The following RAB14 variants were observed in gnomAD, a reference collection of about 807,000 sequenced individuals.
RAB14 encodes ras-related protein Rab-14.
In RAB14, 3 loss-of-function variants were observed where a neutral mutation model predicts 31.1. The observed-to-expected ratio is 0.10, with a 90% CI of 0.04 to 0.25. The LOEUF (loss-of-function observed/expected upper bound fraction) is 0.25, where lower values mean the gene tolerates loss of function less well. Ranked by LOEUF, RAB14 falls within the 10% of genes least tolerant of loss-of-function variation. The pLI, the probability that RAB14 is intolerant of heterozygous loss-of-function variation, is 1.00. For synonymous variants in RAB14, 85 were observed against 84.9 expected (o/e 1.00, Z 0.00); for missense variants, 111 against 260.1 (o/e 0.43, Z 3.94).
intron 4 of RAB14, 113 bp from the exon 5 acceptor site, chr9:121,187,132 C>A: frequency 1.7e-6 from 1 of 572,640 alleles, no homozygotes; most frequent in Non-Finnish European, 2.8e-6. Flanking sequence ...TTTGCTTTGA[C>A]CAGTTACTCA....
At position 121,181,302 on chromosome 9, in the gene RAB14, A is replaced by G; in HGVS notation, c.*94T>C. 8.0e-7 allele frequency: 1 copy of G among 1,243,606 alleles called. No homozygotes were observed. Among genetic ancestry groups the G allele is most frequent in the South Asian group, 2.3e-5 (1 of 43,970 alleles). The allele number at this position is 1,243,606 out of a possible 1,614,324, so 77.0% of individuals were successfully genotyped here. A position where few individuals can be genotyped will look rare whatever the true frequency, so the allele number is the denominator to read the frequency against. ...TTTTTCTTTTTTTTTAATTAAACCCAGTAAGATGTACAGAAGACAATGAGG... is the reference window on the plus strand; with the variant it reads ...TTTTTCTTTTTTTTTAATTAAACCCGGTAAGATGTACAGAAGACAATGAGG... On this transcript the variant is annotated 3_prime_UTR_variant, in exon 8 of 8. Coordinates refer to ENST00000373840, the MANE Select transcript of RAB14 (RefSeq NM_016322.4).
intron 5 of RAB14, 38 bp downstream of exon 5, chr9:121,186,914 TC>T (rs1341553711): frequency 7.0e-6 from 10 of 1,430,698 alleles, no homozygotes; most frequent in Admixed American, 2.4e-5. Context: ...TTAGCTTAGT[TC>T]TTAAATTTTC....
At chr9:121,190,855 G>A in intron 3 of RAB14, 124 bp from the exon 4 acceptor site, 1 of 891,786 alleles carries the variant, frequency 1.1e-6, no homozygotes, top group South Asian at 2.0e-5. Flanking sequence ...ATAGACTAAA[G>A]CTACCGCTAA....
At chr9:121,190,518 T>G (rs1308354939) in intron 4 of RAB14, 36 bp downstream of exon 4, 2 of 1,521,388 alleles carry the variant, frequency 1.3e-6, no homozygotes, top group East Asian at 4.7e-5. Flanking sequence ...AGTAGATTTA[T>G]TTTCCCCATA....
intron 1 of RAB14, among the ~76,000 whole-genome samples, chr9:121,199,984 A>G (rs2132032278): frequency 6.6e-6 from 1 of 152,358 alleles, no homozygotes. Context: ...GATTTACTAT[A>G]TGCCAAGCAA....
chr9:121,192,537 T>C (rs2132026920), intron 2 of RAB14, among the ~76,000 whole-genome samples: 2 of 152,180 alleles, frequency 1.3e-5, no homozygotes, highest in East Asian at 3.9e-4. Context: ...TTTTGTTTTC[T>C]TTTGTTTTTT....
At chr9:121,192,910 T>A (rs2053694803) in intron 2 of RAB14, among the ~76,000 whole-genome samples, 1 of 152,150 alleles carries the variant, frequency 6.6e-6, no homozygotes, top group African/African-American at 2.4e-5. Flanking sequence ...GAGCAAAACC[T>A]TCTTGAAACT....
chr9:121,196,472 T>A (rs2053717585), intron 1 of RAB14, among the ~76,000 whole-genome samples: 1 of 152,198 alleles, frequency 6.6e-6, no homozygotes, highest in Non-Finnish European at 1.5e-5. Flanking sequence ...TTTCATTTAA[T>A]CCTTACTACT....
At chr9:121,192,252 G>A in intron 2 of RAB14, 28 bp from the exon 3 acceptor site, 1 of 1,542,112 alleles carries the variant, frequency 6.5e-7, no homozygotes, top group Non-Finnish European at 8.9e-7. Context: ...AGTTTCAGGT[G>A]GCAATTACAT....
chr9:121,183,438 C>G lies in RAB14; in HGVS notation c.352-40G>C, dbSNP rs758729388. The G allele has an allele frequency of 3.4e-6, 5 of 1,471,992 alleles. 1 individual carries two copies. The highest frequency in any genetic ancestry group is 3.4e-4 in the Middle Eastern group (2 of 5,804). 91.2% of individuals were successfully genotyped at this position (1,471,992 alleles called of 1,614,324 possible). On this transcript the variant is annotated intron_variant, in intron 5 of 7. Coordinates refer to ENST00000373840, the MANE Select transcript of RAB14 (RefSeq NM_016322.4). ...AAAGAAAGACACCTTGTAACAAAAGCAGTAATTTAAACCAACCATGCAAAT... is the reference window on the plus strand; with the variant it reads ...AAAGAAAGACACCTTGTAACAAAAGGAGTAATTTAAACCAACCATGCAAAT...
chr9:121,195,716 TA>T (rs1452121607), intron 1 of RAB14, among the ~76,000 whole-genome samples: 1 of 151,988 alleles, frequency 6.6e-6, no homozygotes, highest in Non-Finnish European at 1.5e-5. Context: ...AAATTACAAA[TA>T]AAAACCATAA....
intron 4 of RAB14, 93 bp from the exon 5 acceptor site, chr9:121,187,112 AAAT>A: frequency 4.3e-6 from 3 of 700,276 alleles, no homozygotes; most frequent in Non-Finnish European, 6.4e-6. Flanking sequence ...ACATATCCTA[AAAT>A]AATAATTTTG....
chr9:121,192,635 G>A (rs1480599009), intron 2 of RAB14, among the ~76,000 whole-genome samples: 1 of 151,870 alleles, frequency 6.6e-6, no homozygotes, highest in Non-Finnish European at 1.5e-5. Context: ...ACTGAGTTCT[G>A]GAAGCTTGAT....
chr9:121,188,231 T>C (rs1484899668), intron 4 of RAB14, among the ~76,000 whole-genome samples: 3 of 151,996 alleles, frequency 2.0e-5, no homozygotes, highest in African/African-American at 7.2e-5. Context: ...GCCTTATCTG[T>C]GTTTGATATT....
intron 4 of RAB14, among the ~76,000 whole-genome samples, chr9:121,187,801 A>G (rs2053665797): frequency 6.6e-6 from 1 of 152,080 alleles, no homozygotes; most frequent in Admixed American, 6.6e-5. Context: ...AGATAATAAA[A>G]TTTTTGAGGT....
chr9:121,190,435 CAAGT>C (rs903224707), intron 4 of RAB14, 115 bp downstream of exon 4: 9 of 930,084 alleles, frequency 9.7e-6, no homozygotes, highest in East Asian at 2.8e-5. Context: ...CCATAAAAAA[CAAGT>C]AAGTTCATTC....
At chr9:121,189,314 T>C (rs1447019560) in intron 4 of RAB14, among the ~76,000 whole-genome samples, 2 of 152,274 alleles carry the variant, frequency 1.3e-5, no homozygotes, top group African/African-American at 4.8e-5. Flanking sequence ...AAAAACAATA[T>C]TCTTAGCACA....
chr9:121,200,268 G>A lies in RAB14; in HGVS notation c.-8+1371C>T, dbSNP rs146550853. Among the ~76,000 whole-genome samples, 538 of 152,292 alleles carry A rather than the reference G, an allele frequency of 3.5e-3. 4 individuals are homozygous for A. The highest frequency in any genetic ancestry group is 0.012 in the African/African-American group (512 of 41,554). On this transcript the variant is annotated intron_variant, in intron 1 of 7. Transcript: ENST00000373840. The stretch of plus-strand genomic sequence containing the variant: ...TTGGAAAGGCTTGGGGGAATAAAGG[G>A]GTAGGAGCTGGATTACTGCAAGGTC...
At chr9:121,191,334 A>T (rs1464888720) in intron 3 of RAB14, among the ~76,000 whole-genome samples, 1 of 152,024 alleles carries the variant, frequency 6.6e-6, no homozygotes, top group Non-Finnish European at 1.5e-5. Context: ...AGCATGTTTT[A>T]TATATATATG....
Sources: gnomAD v4.1 joint callset for allele counts (sites outside exome capture counted in the v4.1 genomes callset) on GRCh38, gnomAD v4.1.1 for gene constraint, MANE v1.5 for transcripts, NCBI Gene and HGNC (gene_info 2026-07-23, HGNC 2026-07-21) for gene names.